Variants in CCDC148 observed in about 807,000 individuals in gnomAD.
CCDC148 encodes the protein coiled-coil domain containing 148.
CCDC148 carries 89 observed loss-of-function variants against 85.7 expected under a neutral mutation model. The ratio of observed to expected loss-of-function variants is 1.04; its 90% CI spans 0.87 to 1.24. CCDC148 has a LOEUF of 1.24. CCDC148 is among the 50% of genes most tolerant of loss of function. CCDC148 has a pLI of 0.00. For missense variants in CCDC148, 692 were observed against 671.7 expected (o/e 1.03, Z -0.33); for synonymous variants, 230 against 213.9 (o/e 1.08, Z -0.66).
chr2:158,456,263 AGAAG>A, intron 1 of CCDC148, 148 bp downstream of exon 1: 1 of 781,374 alleles, frequency 1.3e-6, no homozygotes, highest in Non-Finnish European at 2.2e-6. Flanking sequence ...TGAGTCTTTC[AGAAG>A]AGTTATGAGT....
At chr2:158,338,195 C>T (rs940862604) in intron 7 of CCDC148, among the ~76,000 whole-genome samples, 1 of 152,088 alleles carries the variant, frequency 6.6e-6, no homozygotes, top group East Asian at 1.9e-4. Context: ...AATTTTAAAT[C>T]GCTGAACATT....
intron 9 of CCDC148, among the ~76,000 whole-genome samples, chr2:158,267,993 T>A (rs1689542497): frequency 6.6e-6 from 1 of 152,218 alleles, no homozygotes; most frequent in Non-Finnish European, 1.5e-5. Flanking sequence ...TATACATTCA[T>A]TAGTTGTAGG....
intron 11 of CCDC148, among the ~76,000 whole-genome samples, chr2:158,199,084 T>C (rs1423461388): frequency 1.3e-5 from 2 of 152,106 alleles, no homozygotes; most frequent in Non-Finnish European, 2.9e-5. Flanking sequence ...AAGAGTGTCA[T>C]GGCAGCAAGG....
At chr2:158,240,450 T>TCACA (rs1284517602) in intron 10 of CCDC148, among the ~76,000 whole-genome samples, 1,351 of 92,496 alleles carry the variant, frequency 0.015, 18 homozygotes, top group African/African-American at 0.042. Flanking sequence ...TCTCTCTCTC[T>TCACA]CTCACACACA....
chr2:158,359,001 A>G (rs1160941135), intron 1 of CCDC148, among the ~76,000 whole-genome samples: 1 of 152,188 alleles, frequency 6.6e-6, no homozygotes, highest in East Asian at 1.9e-4. Flanking sequence ...TTTTTAACTT[A>G]GAAAAATCTA....
chr2:158,268,221 G>A lies in CCDC148; in HGVS notation c.1111-17309C>T, dbSNP rs1365229258. 2.0e-5 allele frequency among the ~76,000 whole-genome samples: 3 copies of A among 152,118 alleles called. No individual in the cohort carries two copies. The South Asian group carries it at 6.2e-4, about 32-fold the overall frequency. On this transcript the variant is annotated intron_variant, in intron 9 of 13. Coordinates refer to ENST00000283233, the MANE Select transcript of CCDC148 (RefSeq NM_138803.4). ...CCGTCAGCAATGCATAAGGGTTCCA[G>A]TTGTGCTTCTTCACTAGCACGTGAT...
chr2:158,415,800 G>A (rs764949962), intron 1 of CCDC148, among the ~76,000 whole-genome samples: 6 of 152,112 alleles, frequency 3.9e-5, no homozygotes, highest in Non-Finnish European at 5.9e-5. Flanking sequence ...TTGACTCCAC[G>A]TCTCACATTC....
chr2:158,405,438 G>A (rs2602187), intron 1 of CCDC148, among the ~76,000 whole-genome samples: 25,962 of 152,002 alleles, frequency 0.17, 2,358 homozygotes, highest in Middle Eastern at 0.2. Context: ...AAGTCTAAAT[G>A]AAGGAAATGG....
intron 1 of CCDC148, among the ~76,000 whole-genome samples, chr2:158,422,449 T>C (rs1433670318): frequency 6.6e-6 from 1 of 152,198 alleles, no homozygotes; most frequent in Non-Finnish European, 1.5e-5. Flanking sequence ...TCAATAAATG[T>C]AATCCATCAT....
intron 1 of CCDC148, among the ~76,000 whole-genome samples, chr2:158,384,510 A>T (rs1685005616): frequency 6.6e-6 from 1 of 152,048 alleles, no homozygotes; most frequent in African/African-American, 2.4e-5. Context: ...CTCCCCGTTC[A>T]TTCTTTCTTC....
intron 10 of CCDC148, among the ~76,000 whole-genome samples, chr2:158,223,359 C>A (rs1687301594): frequency 6.6e-6 from 1 of 152,200 alleles, no homozygotes; most frequent in African/African-American, 2.4e-5. Flanking sequence ...CTCAAGGAGG[C>A]CTGTCTGCCT....
chr2:158,360,777 G>C (rs918713657), intron 1 of CCDC148, among the ~76,000 whole-genome samples: 1 of 152,110 alleles, frequency 6.6e-6, no homozygotes, highest in East Asian at 1.9e-4. Flanking sequence ...CACTCCAAAG[G>C]ATCATGACAC....
At chr2:158,251,397 T>C (rs1162228093) in intron 9 of CCDC148, among the ~76,000 whole-genome samples, 1 of 151,870 alleles carries the variant, frequency 6.6e-6, no homozygotes, top group Non-Finnish European at 1.5e-5. Context: ...TAAAACAACT[T>C]TCTGGGTACT....
At chr2:158,292,844 C>G (rs148491521) in intron 9 of CCDC148, among the ~76,000 whole-genome samples, 60 of 152,262 alleles carry the variant, frequency 3.9e-4, no homozygotes, top group African/African-American at 1.4e-3. Context: ...CAGATGTAAA[C>G]TATTTGAAAT....
chr2:158,440,321 T>C (rs1266183570), intron 1 of CCDC148, among the ~76,000 whole-genome samples: 2 of 152,144 alleles, frequency 1.3e-5, no homozygotes, highest in African/African-American at 2.4e-5. Flanking sequence ...TAAACTTATT[T>C]TGGGACCCAG....
At chr2:158,200,860 T>C (rs1375685277) in intron 11 of CCDC148, among the ~76,000 whole-genome samples, 2 of 152,244 alleles carry the variant, frequency 1.3e-5, no homozygotes, top group Non-Finnish European at 2.9e-5. Context: ...TCACCATCCA[T>C]TGATGATCTA....
chr2:158,361,060 GA>G (rs1438888938), intron 1 of CCDC148, among the ~76,000 whole-genome samples: 1 of 151,710 alleles, frequency 6.6e-6, no homozygotes, highest in African/African-American at 2.4e-5. Context: ...CGATCAAGCA[GA>G]AGAAAGGATA....
At chr2:158,400,441 A>G (rs1685729287) in intron 1 of CCDC148, among the ~76,000 whole-genome samples, 1 of 152,204 alleles carries the variant, frequency 6.6e-6, no homozygotes, top group Admixed American at 6.6e-5. Context: ...CAAACCTGAC[A>G]AAAACAAGAA....
intron 10 of CCDC148, 96 bp downstream of exon 10, chr2:158,250,676 G>A: frequency 7.0e-7 from 1 of 1,429,184 alleles, no homozygotes; most frequent in Non-Finnish European, 9.1e-7. Context: ...TCTCAGAACT[G>A]CTTATGAGAA....
Sources: gnomAD v4.1 joint callset for allele counts (sites outside exome capture counted in the v4.1 genomes callset) on GRCh38, gnomAD v4.1.1 for gene constraint, MANE v1.5 for transcripts, NCBI Gene and HGNC (gene_info 2026-07-23, HGNC 2026-07-21) for gene names.